The following ZNF30 variants were observed in gnomAD, a reference collection of about 807,000 sequenced individuals.
The protein encoded by ZNF30 is zinc finger protein 30 (KOX 28).
Under a neutral mutation model 13.2 loss-of-function variants are expected in ZNF30, and 15 were observed. The observed-to-expected ratio is 1.13, with a 90% CI of 0.76 to 1.75. The LOEUF (loss-of-function observed/expected upper bound fraction) is 1.75, where lower values mean the gene tolerates loss of function less well. ZNF30 is among the 40% of genes most tolerant of loss of function. ZNF30 has a pLI of 0.00. For missense variants in ZNF30, 726 were observed against 757.0 expected (o/e 0.96, Z 0.48); for synonymous variants, 223 against 256.6 (o/e 0.87, Z 1.25).
rs1178499206 is a variant in ZNF30 at position 34,931,933 on chromosome 19, TC to T, written c.103del (p.Gln35ArgfsTer8). 1 of 1,613,266 alleles carries T rather than the reference TC, an allele frequency of 6.2e-7. No individual in the cohort carries two copies. Reference protein sequence around the residue: ...SQQEWESLDSSQRGLYRDVML... With the variant: ...SQQEWESLDSXQRGLYRDVML... Reference sequence around the variant, plus strand: ...GCAGGAGTGGGAGAGTCTGGACTCTTCCCAGAGGGGCTTGTACAGAGATGTG... The same window carrying T: ...GCAGGAGTGGGAGAGTCTGGACTCTTCCAGAGGGGCTTGTACAGAGATGTG... On this transcript the variant is annotated frameshift_variant, in exon 3 of 5. Transcript: ENST00000601142. LOFTEE classifies it high-confidence loss of function.
At chr19:34,926,216 G>A (rs546015106), upstream of ZNF30, among the ~76,000 whole-genome samples, 1 of 152,164 alleles carries the variant, frequency 6.6e-6, no homozygotes, top group Non-Finnish European at 1.5e-5. Flanking sequence ...GGAGCTGACA[G>A]TCAAGGTGAA....
intron 4 of ZNF30, 80 bp downstream of exon 4, chr19:34,933,803 A>G (rs911925430): frequency 1.4e-5 from 14 of 996,942 alleles, no homozygotes; most frequent in African/African-American, 1.1e-4. Flanking sequence ...CATCTCTGCA[A>G]TGTTTGGAGG....
chr19:34,933,000 C>T (rs200874225), intron 3 of ZNF30, among the ~76,000 whole-genome samples: 9 of 151,560 alleles, frequency 5.9e-5, no homozygotes, highest in African/African-American at 1.9e-4. Context: ...AGGCTGGTCT[C>T]GAACTCCTGA....
upstream of ZNF30, among the ~76,000 whole-genome samples, chr19:34,926,018 A>C (rs537884878): frequency 6.6e-6 from 1 of 152,302 alleles, no homozygotes; most frequent in South Asian, 2.1e-4. Context: ...CAAAAAATAT[A>C]CAAAAATTAG....
At chr19:34,930,184 T>A (rs965178527) in intron 2 of ZNF30, among the ~76,000 whole-genome samples, 1 of 152,196 alleles carries the variant, frequency 6.6e-6, no homozygotes, top group African/African-American at 2.4e-5. Context: ...ATAGTAAGTC[T>A]TAGCTGAAAG....
chr19:34,930,743 G>A (rs1254439083), intron 2 of ZNF30, among the ~76,000 whole-genome samples: 4 of 151,946 alleles, frequency 2.6e-5, no homozygotes, highest in Admixed American at 2.0e-4. Flanking sequence ...CATGCCTGTA[G>A]TCCTAACTAC....
In ZNF30 at chr19:34,943,553, G is replaced by T. The variant is rs758848585; in HGVS notation, c.587G>T (p.Arg196Ile). The T allele has an allele frequency of 3.7e-5, 59 of 1,613,602 alleles. No individual in the cohort carries two copies. In the South Asian group the frequency reaches 5.6e-4, roughly 15 times the overall value. ...ISGSAFVKHG[R>I]IHTGEKPLKC... is the part of the protein sequence containing the mutation. The stretch of plus-strand genomic sequence containing the variant: ...GGCTCAGCCTTTGTTAAGCATGGGA[G>T]AATTCACACTGGTGAGAAGCCACTC... Residue 196 changes from arginine (R) to isoleucine (I), a missense_variant, in exon 5 of 5, where the codon AGA (arginine) becomes ATA (isoleucine). Arg to Ile is a moderately conservative substitution (Grantham distance 97). Coordinates refer to ENST00000601142, the MANE Select transcript of ZNF30 (RefSeq NM_194325.3).
chr19:34,937,068 G>C (rs1229677837), intron 4 of ZNF30, among the ~76,000 whole-genome samples: 1 of 151,974 alleles, frequency 6.6e-6, no homozygotes, highest in East Asian at 2.0e-4. Flanking sequence ...CTGGAGTGCA[G>C]TGGTGCGATC....
intron 3 of ZNF30, among the ~76,000 whole-genome samples, chr19:34,933,238 G>A (rs532316211): frequency 6.6e-6 from 1 of 152,014 alleles, no homozygotes; most frequent in Non-Finnish European, 1.5e-5. Flanking sequence ...GGCGGATCAC[G>A]AGGTCAAGAT....
chr19:34,944,693 C>T lies in ZNF30; in HGVS notation c.1727C>T (p.Ala576Val). Residue 576 changes from alanine (A) to valine (V), a missense_variant, in exon 5 of 5, where the codon GCC (alanine) becomes GTC (valine). Coordinates refer to ENST00000601142, the MANE Select transcript of ZNF30 (RefSeq NM_194325.3). ...KPFECKECGKAFRLNSFLTEH... is the reference protein window; with the variant it reads ...KPFECKECGKVFRLNSFLTEH... ...TTTGAATGTAAGGAATGCGGGAAGG[C>T]CTTTAGACTTAATTCATTCCTTACT... 2 of 1,612,542 alleles carry T rather than the reference C, an allele frequency of 1.2e-6. No homozygotes were observed. The highest frequency in any genetic ancestry group is 8.5e-7 in the Non-Finnish European group (1 of 1,178,808).
At chr19:34,929,471 T>C (rs1341318589) in intron 1 of ZNF30, among the ~76,000 whole-genome samples, 1 of 152,238 alleles carries the variant, frequency 6.6e-6, no homozygotes, top group Non-Finnish European at 1.5e-5. Flanking sequence ...TTTTCTCCTA[T>C]GTTCTCTACC....
chr19:34,926,692 T>A, upstream of ZNF30: 1 of 357,424 alleles, frequency 2.8e-6, no homozygotes, highest in Non-Finnish European at 5.0e-6. Context: ...GTATAGATTA[T>A]CATTTTTTGT....
chr19:34,924,316 C>T (rs923245264), upstream of ZNF30, among the ~76,000 whole-genome samples: 4 of 152,060 alleles, frequency 2.6e-5, no homozygotes, highest in African/African-American at 9.7e-5. Flanking sequence ...ATTTCTTTGA[C>T]ATTCTAAGTA....
intron 4 of ZNF30, among the ~76,000 whole-genome samples, chr19:34,935,229 TA>T (rs66464153): frequency 0.44 from 64,735 of 147,892 alleles, 15,281 homozygotes; most frequent in African/African-American, 0.65. Flanking sequence ...AGACTCCGTC[TA>T]AAAAAAAAAA....
upstream of ZNF30, chr19:34,926,666 G>C (rs2012084480): frequency 6.6e-6 from 2 of 302,138 alleles, no homozygotes; most frequent in Non-Finnish European, 1.2e-5. Flanking sequence ...TTGTGTTAAA[G>C]TAATAACATA....
intron 4 of ZNF30, among the ~76,000 whole-genome samples, chr19:34,937,959 C>A (rs113419329): frequency 6.6e-6 from 1 of 152,090 alleles, no homozygotes; most frequent in Non-Finnish European, 1.5e-5. Flanking sequence ...CCATGCCTGG[C>A]TAATTTTTGT....
intron 1 of ZNF30, among the ~76,000 whole-genome samples, chr19:34,927,924 C>T (rs1424054903): frequency 6.6e-6 from 1 of 152,004 alleles, no homozygotes; most frequent in African/African-American, 2.4e-5. Flanking sequence ...GGAAACAGGT[C>T]GGGTGCCATG....
chr19:34,943,515 G>A lies in ZNF30; in HGVS notation c.549G>A (p.Lys183=). The A allele has an allele frequency of 6.2e-7, 1 of 1,613,692 alleles. No homozygotes were observed. The highest frequency in any genetic ancestry group is 1.1e-5 in the South Asian group (1 of 91,000). The change falls in exon 5 of 5, where the codon AAG becomes AAA. Residue 183 remains lysine (K), a synonymous_variant. Transcript: ENST00000601142. ...EKPYKYEKCG[K]AFISGSAFVK... ...CCTATAAATATGAAAAATGTGGGAA[G>A]GCCTTTATCAGTGGCTCAGCCTTTG...
At chr19:34,937,625 T>G (rs1184017382) in intron 4 of ZNF30, among the ~76,000 whole-genome samples, 1 of 151,802 alleles carries the variant, frequency 6.6e-6, no homozygotes, top group African/African-American at 2.4e-5. Context: ...TCCTAGCTAC[T>G]CATGAGGCTG....
Sources: gnomAD v4.1 joint callset for allele counts (sites outside exome capture counted in the v4.1 genomes callset) on GRCh38, gnomAD v4.1.1 for gene constraint, MANE v1.5 for transcripts, NCBI Gene and HGNC (gene_info 2026-07-23, HGNC 2026-07-21) for gene names.